GNAS: variants seen among roughly 807,000 people sequenced by gnomAD.
The protein encoded by GNAS is GNAS complex locus, also known as protein ALEX.
In GNAS, 8 loss-of-function variants were observed where a neutral mutation model predicts 54.5. That is an observed-to-expected ratio of 0.15 (90% confidence interval 0.09 to 0.26). The LOEUF (loss-of-function observed/expected upper bound fraction) is 0.26. Among genes scored for constraint, GNAS ranks in the 10% least tolerant of loss-of-function variants. GNAS has a pLI of 1.00. For synonymous variants in GNAS, 204 were observed against 191.4 expected (o/e 1.07, Z -0.54); for missense variants, 170 against 529.8 (o/e 0.32, Z 6.67).
rs1021881718 is a variant in GNAS, at chr20:58,873,081, G to A, written c.44-22531G>A. Among the ~76,000 whole-genome samples, 1 of 152,156 alleles carries A rather than the reference G, an allele frequency of 6.6e-6. No individual in the cohort carries two copies. ...TCCCCAAGCACCAAGAGTTAGAAAT[G>A]TGTTGCTAATTGATTTGAGCTAAAT... On this transcript the variant is annotated intron_variant, in intron 1 of 12. Coordinates refer to the GNAS transcript ENST00000306090. The surrounding 1 kb of genome is among the most constrained non-coding windows in gnomAD (Gnocchi z 4.3).
chr20:58,895,604 T>C lies in GNAS; in HGVS notation c.140-8T>C, dbSNP rs1435447192. 1 of 1,576,074 alleles carries C rather than the reference T, an allele frequency of 6.3e-7. No homozygotes were observed. The highest frequency in any genetic ancestry group is 1.1e-5 in the South Asian group (1 of 90,318). On this transcript the variant is annotated splice_region_variant and splice_polypyrimidine_tract_variant and intron_variant, in intron 1 of 12. Coordinates refer to ENST00000371085, the MANE Select transcript of GNAS (RefSeq NM_000516.7). ...CTTCATAACCTGAGACTTACTTTCATTTTCTAGGTGCTGGAGAATCTGGTA... is the reference window on the plus strand; with the variant it reads ...CTTCATAACCTGAGACTTACTTTCACTTTCTAGGTGCTGGAGAATCTGGTA...
chr20:58,902,152 A>G (rs1169296224), intron 3 of GNAS, among the ~76,000 whole-genome samples: 1 of 151,688 alleles, frequency 6.6e-6, no homozygotes, highest in Non-Finnish European at 1.5e-5. Context: ...TTTCCCTGTC[A>G]GAGAGGCAGG....
chr20:58,858,749 G>T (rs1372867092), intron 1 of GNAS, among the ~76,000 whole-genome samples: 1 of 152,092 alleles, frequency 6.6e-6, no homozygotes, highest in Non-Finnish European at 1.5e-5. Flanking sequence ...AGTATGCATT[G>T]TATTCCATCT....
intron 3 of GNAS, chr20:58,899,349 C>T (rs772353590): frequency 2.0e-6 from 1 of 511,352 alleles, no homozygotes; most frequent in South Asian, 1.6e-5. Flanking sequence ...CTACTAAATT[C>T]CATCTACCCA....
At chr20:58,842,425 G>A in intron 1 of GNAS, 1 of 398,552 alleles carries the variant, frequency 2.5e-6, no homozygotes, top group African/African-American at 2.1e-5. Context: ...ATGATAGAAG[G>A]AAAATACCTT....
intron 1 of GNAS, among the ~76,000 whole-genome samples, chr20:58,861,894 G>A (rs1199787300): frequency 6.6e-6 from 1 of 151,722 alleles, no homozygotes; most frequent in African/African-American, 2.4e-5. Context: ...TTGTAGAGAC[G>A]GGGTTTCACC....
rs2091364762 is a variant in GNAS, at chr20:58,910,491, G to A, written c.1038+90G>A. 1.7e-6 allele frequency: 2 copies of A among 1,189,226 alleles called. No individual in the cohort carries two copies. Among genetic ancestry groups the A allele is most frequent in the South Asian group, 2.4e-5 (2 of 81,846 alleles). The allele number at this position is 1,189,226 out of a possible 1,614,324, so 73.7% of individuals were successfully genotyped here. On this transcript the variant is annotated intron_variant, in intron 12 of 12. Coordinates refer to ENST00000371085, the MANE Select transcript of GNAS (RefSeq NM_000516.7). This position sits in a 1 kb window ranked among gnomAD's most constrained non-coding sequence, Gnocchi z 5.8. ...ACTTAATTCCAAATTCAGGGGTTCA[G>A]CTACCCAGTTCCATGGTTTTAGTTC...
upstream of GNAS, among the ~76,000 whole-genome samples, chr20:58,890,390 C>T (rs1160610507): frequency 6.6e-6 from 1 of 151,582 alleles, no homozygotes; most frequent in Non-Finnish European, 1.5e-5. Context: ...GCGACGAGGA[C>T]GACGCCTACT....
chr20:58,858,322 T>C (rs1568933107), intron 1 of GNAS, among the ~76,000 whole-genome samples: 1 of 152,310 alleles, frequency 6.6e-6, no homozygotes, highest in East Asian at 1.9e-4. Flanking sequence ...CTTTCTGTTT[T>C]TATTGCCGGG....
At chr20:58,888,580 C>T (rs1197699342), upstream of GNAS, 2 of 152,200 alleles carry the variant, frequency 1.3e-5, no homozygotes, top group Non-Finnish European at 2.9e-5. Context: ...AGGCCGCCAC[C>T]TCTCCCACCT....
In GNAS at chr20:58,870,311, C is replaced by T. The variant is rs547010899; in HGVS notation, c.44-25301C>T. ...CCTCTGAGGATTCTTTAAAGCTTTT[C>T]TTGCACTTTCTCCTCCTCACAGTCC... On this transcript the variant is annotated intron_variant, in intron 1 of 12. Transcript: ENST00000306090. Among the ~76,000 whole-genome samples, 3 of 152,366 alleles carry T rather than the reference C, an allele frequency of 2.0e-5. No homozygotes were observed. In the East Asian group the frequency reaches 5.8e-4, roughly 29 times the overall value.
At chr20:58,903,052 T>G in intron 3 of GNAS, 1 of 310,036 alleles carries the variant, frequency 3.2e-6, no homozygotes, top group Admixed American at 4.5e-5. Context: ...AATGAACTAT[T>G]ATAAACACCA....
At chr20:58,906,842 A>T (rs1474385297) in intron 6 of GNAS, among the ~76,000 whole-genome samples, 1 of 152,184 alleles carries the variant, frequency 6.6e-6, no homozygotes, top group Non-Finnish European at 1.5e-5. Context: ...AAATGTAAAG[A>T]TATCTTCTGT....
At chr20:58,904,240 G>A (rs1020365483) in intron 5 of GNAS, among the ~76,000 whole-genome samples, 1 of 152,074 alleles carries the variant, frequency 6.6e-6, no homozygotes. Context: ...GTGCCCTAAG[G>A]TACCTTGGGA....
intron 1 of GNAS, chr20:58,849,056 G>A (rs1217706990): frequency 2.5e-6 from 1 of 392,844 alleles, no homozygotes; most frequent in Non-Finnish European, 4.5e-6. Context: ...GCTTATAGTG[G>A]TGATTTTCAA....
intron 3 of GNAS, among the ~76,000 whole-genome samples, chr20:58,900,828 G>T (rs2090542251): frequency 6.6e-6 from 1 of 152,172 alleles, no homozygotes; most frequent in Non-Finnish European, 1.5e-5. Flanking sequence ...TTCAATGGAA[G>T]AATTTTATGT....
At chr20:58,897,201 A>G (rs1292150811) in intron 2 of GNAS, among the ~76,000 whole-genome samples, 1 of 152,194 alleles carries the variant, frequency 6.6e-6, no homozygotes, top group African/African-American at 2.4e-5. Flanking sequence ...AGTCAGCATC[A>G]CTTGTCACCA....
intron 6 of GNAS, among the ~76,000 whole-genome samples, chr20:58,906,277 A>G (rs2091040031): frequency 6.6e-6 from 1 of 152,184 alleles, no homozygotes; most frequent in Non-Finnish European, 1.5e-5. Context: ...TGGCAAATGA[A>G]GAAGGGGGAA....
At chr20:58,854,916 T>A (rs1419480531) in intron 1 of GNAS, 2 of 1,599,030 alleles carry the variant, frequency 1.3e-6, no homozygotes, top group African/African-American at 2.7e-5. Context: ...CGCGTCTGCC[T>A]GGCGGGGCAA....
Sources: allele counts gnomAD v4.1 joint callset (sites outside exome capture counted in the v4.1 genomes callset), GRCh38; gene constraint gnomAD v4.1.1; non-coding constraint Gnocchi (gnomAD v3.1); transcripts MANE v1.5; gene names NCBI Gene and HGNC (gene_info 2026-07-23, HGNC 2026-07-21).